SCN2A: variants seen among roughly 807,000 people sequenced by gnomAD.
The protein encoded by SCN2A is sodium channel protein type 2 subunit alpha.
SCN2A carries 20 observed loss-of-function variants against 188.7 expected under a neutral mutation model. The ratio of observed to expected loss-of-function variants is 0.11; its 90% CI spans 0.07 to 0.15. The LOEUF (loss-of-function observed/expected upper bound fraction) is 0.15, where lower values mean the gene tolerates loss of function less well. Ranked by LOEUF, SCN2A falls within the 10% of genes least tolerant of loss-of-function variation. The probability of loss-of-function intolerance (pLI) is 1.00; values close to 1 mark genes in which losing one functional copy is unlikely to be tolerated. For synonymous variants in SCN2A, 804 were observed against 833.1 expected, an observed-to-expected ratio of 0.97 and a Z score of 0.60; for missense variants, 1,278 against 2,445.0, an observed-to-expected ratio of 0.52 and a Z score of 10.07.
rs116110459 is a variant in SCN2A, at chr2:165,374,150, T to C, written c.3973-535T>C. ...GTGTGTCTGTATATGCATGGTTACATAGAAAAGTGTTATTAGCGGTAAAAT... is the reference window on the plus strand; with the variant it reads ...GTGTGTCTGTATATGCATGGTTACACAGAAAAGTGTTATTAGCGGTAAAAT... On this transcript the variant is annotated intron_variant, in intron 21 of 26. Transcript: ENST00000375437. 5.1e-3 allele frequency among the ~76,000 whole-genome samples: 770 copies of C among 151,370 alleles called. 6 individuals are homozygous for C. Among genetic ancestry groups the C allele is most frequent in the African/African-American group, 0.018 (737 of 41,236 alleles).
At chr2:165,334,394 A>G (rs1165259157) in intron 14 of SCN2A, among the ~76,000 whole-genome samples, 1 of 151,902 alleles carries the variant, frequency 6.6e-6, no homozygotes, top group Non-Finnish European at 1.5e-5. Context: ...ACAAAATACT[A>G]GAAGCCAAAT....
chr2:165,274,943 G>A (rs541399833), intron 1 of SCN2A, among the ~76,000 whole-genome samples: 3 of 152,124 alleles, frequency 2.0e-5, no homozygotes, highest in Non-Finnish European at 4.4e-5. Context: ...TATGATTGTT[G>A]CTTCTCCGGG....
intron 1 of SCN2A, among the ~76,000 whole-genome samples, chr2:165,247,421 C>T (rs189005659): frequency 1.1e-4 from 17 of 152,248 alleles, no homozygotes; most frequent in Non-Finnish European, 2.2e-4. Flanking sequence ...ACCAAATCAG[C>T]TCCTGATAGA....
chr2:165,281,802 A>C (rs1392255403), intron 1 of SCN2A, among the ~76,000 whole-genome samples: 3 of 152,200 alleles, frequency 2.0e-5, no homozygotes, highest in African/African-American at 4.8e-5. Flanking sequence ...GCTCCATGCT[A>C]AGAAGGGCCC....
intron 16 of SCN2A, among the ~76,000 whole-genome samples, chr2:165,349,455 C>G (rs1442606729): frequency 6.6e-6 from 1 of 152,044 alleles, no homozygotes; most frequent in African/African-American, 2.4e-5. Flanking sequence ...GAAACTCAGC[C>G]CACCACATGT....
intron 8 of SCN2A, among the ~76,000 whole-genome samples, chr2:165,313,347 A>G (rs1182084760): frequency 6.6e-6 from 1 of 152,140 alleles, no homozygotes; most frequent in Non-Finnish European, 1.5e-5. Context: ...CCCAGAAGAT[A>G]TTAATCATGA....
At chr2:165,372,407 C>T (rs1701084930) in intron 20 of SCN2A, 2 of 151,954 alleles carry the variant, frequency 1.3e-5, no homozygotes, top group African/African-American at 2.4e-5. Flanking sequence ...AGCTGTATTG[C>T]ATATTTATTT....
chr2:165,312,650 A>G (rs1559354812), intron 8 of SCN2A, among the ~76,000 whole-genome samples: 1 of 152,128 alleles, frequency 6.6e-6, no homozygotes, highest in Non-Finnish European at 1.5e-5. Flanking sequence ...GGATTAATAA[A>G]TGTATAGCTA....
intron 1 of SCN2A, among the ~76,000 whole-genome samples, chr2:165,290,945 C>T (rs1285870269): frequency 6.6e-6 from 1 of 151,952 alleles, no homozygotes; most frequent in Non-Finnish European, 1.5e-5. Context: ...TTCTTTCTGT[C>T]CAGCATTAAT....
intron 11 of SCN2A, 151 bp downstream of exon 11, chr2:165,315,909 G>A (rs759852400): frequency 2.0e-5 from 20 of 976,244 alleles, no homozygotes; most frequent in Non-Finnish European, 2.8e-5. Context: ...TCACTTCAGA[G>A]AATTTGTGAG....
intron 17 of SCN2A, among the ~76,000 whole-genome samples, chr2:165,356,691 G>A (rs1273785066): frequency 6.6e-6 from 1 of 152,190 alleles, no homozygotes; most frequent in Non-Finnish European, 1.5e-5. Flanking sequence ...TTTGAGGAAT[G>A]TTTAACTTGA....
chr2:165,358,375 A>C (rs1370148586), intron 17 of SCN2A, among the ~76,000 whole-genome samples: 4 of 152,190 alleles, frequency 2.6e-5, no homozygotes, highest in African/African-American at 9.7e-5. Context: ...TTAATGTGAT[A>C]ATAATGTAAA....
chr2:165,256,593 A>G (rs1448086295), intron 1 of SCN2A, among the ~76,000 whole-genome samples: 1 of 152,200 alleles, frequency 6.6e-6, no homozygotes, highest in Non-Finnish European at 1.5e-5. Context: ...ATTTTCAAAT[A>G]TGCTTATTAC....
chr2:165,311,235 A>G (rs994831118), intron 7 of SCN2A, among the ~76,000 whole-genome samples: 1 of 152,050 alleles, frequency 6.6e-6, no homozygotes, highest in African/African-American at 2.4e-5. Context: ...ATTTCTTAAC[A>G]TTGAGCCCAG....
At chr2:165,320,150 T>C (rs1211034978) in intron 11 of SCN2A, 4 of 152,278 alleles carry the variant, frequency 2.6e-5, no homozygotes, top group Non-Finnish European at 5.9e-5. Context: ...ACAAAGGGGC[T>C]ACATGCCCCA....
intron 17 of SCN2A, among the ~76,000 whole-genome samples, chr2:165,362,054 G>A (rs1201022328): frequency 1.3e-5 from 2 of 151,938 alleles, no homozygotes; most frequent in African/African-American, 4.8e-5. Context: ...AAGAGTCCTC[G>A]CACTGGTCAT....
intron 3 of SCN2A, among the ~76,000 whole-genome samples, chr2:165,300,453 A>C (rs2116657): frequency 0.21 from 32,700 of 152,142 alleles, 4,092 homozygotes; most frequent in East Asian, 0.36. Context: ...AAGAAATATA[A>C]ATTAGTGTCA....
At position 165,342,257 on chromosome 2, in the gene SCN2A, G is replaced by A. The variant is rs1236830860; in HGVS notation, c.2389-39G>A. 5.8e-6 allele frequency: 9 copies of A among 1,545,048 alleles called. No homozygotes were observed. In the South Asian group the frequency reaches 1.0e-4, roughly 17 times the overall value. On this transcript the variant is annotated intron_variant, in intron 14 of 26. Transcript: ENST00000375437. ...TGCTCAATAATTATTCGTGTTTCAAGAGTATTTGCTCATATAATGAACTAC... is the reference window on the plus strand; with the variant it reads ...TGCTCAATAATTATTCGTGTTTCAAAAGTATTTGCTCATATAATGAACTAC...
chr2:165,310,475 G>C lies in SCN2A; in HGVS notation c.850G>C (p.Asp284His), dbSNP rs772774164. 16 of 1,613,626 alleles carry C rather than the reference G, an allele frequency of 9.9e-6. No individual in the cohort carries two copies. The South Asian group carries it at 1.8e-4, about 18-fold the overall frequency. Residue 284 changes from aspartate (D) to histidine (H), a missense_variant, in exon 7 of 27, where the codon GAT becomes CAT. Around this residue, in one of 17 missense-constraint regions of SCN2A, gnomAD observed 45 missense variants for 58.1 expected, o/e 0.77. Transcript: ENST00000375437. The stretch of plus-strand genomic sequence containing the variant: ...AAATAAATGTTTGCAATGGCCTCCA[G>C]ATAATTCTTCCTTTGAAATAAATAT... ...LRNKCLQWPP[D>H]NSSFEINITS...
Sources: gnomAD v4.1 joint callset for allele counts (sites outside exome capture counted in the v4.1 genomes callset) on GRCh38, gnomAD v4.1.1 for gene constraint, gnomAD v4.1.1 regional missense constraint, MANE v1.5 for transcripts, NCBI Gene and HGNC (gene_info 2026-07-23, HGNC 2026-07-21) for gene names.